The following KLRG1 variants were observed in gnomAD, a reference collection of about 807,000 sequenced individuals.
KLRG1 encodes killer cell lectin-like receptor subfamily G member 1.
Under a neutral mutation model 21.8 loss-of-function variants are expected in KLRG1, and 16 were observed. The ratio of observed to expected loss-of-function variants is 0.73; its 90% CI spans 0.50 to 1.11. The LOEUF (loss-of-function observed/expected upper bound fraction) is 1.11. Ranked by LOEUF, KLRG1 falls within the 50% of genes most tolerant of loss-of-function variation. The pLI, the probability that KLRG1 is intolerant of heterozygous loss-of-function variation, is 0.00. For synonymous variants in KLRG1, 69 were observed against 75.9 expected (o/e 0.91, Z 0.47); for missense variants, 173 against 218.3 (o/e 0.79, Z 1.31).
chr12:9,101,415 A>G, the KLRG1 span: 1 of 1,564,390 alleles, frequency 6.4e-7, no homozygotes, highest in South Asian at 1.1e-5. Context: ...TTTTGTCTAC[A>G]GTGAAGTCAA....
At position 9,010,186 on chromosome 12, in the gene KLRG1, TAAAAAA is replaced by T; in HGVS notation, c.*659_*664del. 2.4e-6 allele frequency: 1 copy of T among 420,454 alleles called. No homozygotes were observed. The highest frequency in any genetic ancestry group is 4.2e-5 in the Admixed American group (1 of 23,882). The allele number at this position is 420,454 out of a possible 1,614,324, so 26.0% of individuals were successfully genotyped here. A position where few individuals can be genotyped will look rare whatever the true frequency, so the allele number is the denominator to read the frequency against. ...GGGAGATAGAGCAAGACTCCATCTC[TAAAAAA>T]AAAAAAAAATGCTAATGTGAGAATA... is the stretch of plus-strand genomic sequence containing the variant. On this transcript the variant is annotated 3_prime_UTR_variant, in exon 5 of 5. Coordinates refer to ENST00000356986, the MANE Select transcript of KLRG1 (RefSeq NM_005810.4).
the KLRG1 span, chr12:9,194,229 C>T: frequency 6.2e-7 from 1 of 1,613,632 alleles, no homozygotes; most frequent in South Asian, 1.1e-5. Context: ...TTTCCATCCA[C>T]CAGAAGCACC....
At chr12:9,155,305 T>C in the KLRG1 span, among the ~76,000 whole-genome samples, 3 of 152,222 alleles carry the variant, frequency 2.0e-5, no homozygotes, top group Admixed American at 2.0e-4. Context: ...TCTTTTTTTT[T>C]CTCTCCAACT....
the KLRG1 span, among the ~76,000 whole-genome samples, chr12:9,114,734 AATAC>A: frequency 0.56 from 84,652 of 151,382 alleles, 25,265 homozygotes; most frequent in African/African-American, 0.76. Flanking sequence ...CATATACATA[AATAC>A]ATATATATGT....
intron 3 of KLRG1, among the ~76,000 whole-genome samples, chr12:9,008,418 A>G (rs1045302219): frequency 6.6e-6 from 1 of 152,364 alleles, no homozygotes; most frequent in South Asian, 2.1e-4. Flanking sequence ...GCTCCTCTCT[A>G]CAGCTAACAC....
In KLRG1 at chr12:9,010,005, T is replaced by G. The variant is rs1422962116; in HGVS notation, c.*468T>G. 2.0e-6 allele frequency: 3 copies of G among 1,534,386 alleles called. No individual in the cohort carries two copies. Among genetic ancestry groups the G allele is most frequent in the Non-Finnish European group, 2.6e-6 (3 of 1,145,984 alleles). On this transcript the variant is annotated 3_prime_UTR_variant, in exon 5 of 5. Coordinates refer to ENST00000356986, the MANE Select transcript of KLRG1 (RefSeq NM_005810.4). ...TATATTTCTATCCTAACAGTGTCCC[T>G]TTGCAGATCAAGCTTTATTCTGAAG...
intron 3 of KLRG1, chr12:8,996,546 G>A (rs1253317091): frequency 1.3e-5 from 2 of 152,046 alleles, no homozygotes; most frequent in African/African-American, 4.8e-5. Flanking sequence ...AGAACATATA[G>A]TTCCTAAATT....
chr12:8,965,368 A>G (rs752328904), intron 1 of KLRG1, among the ~76,000 whole-genome samples: 1 of 152,236 alleles, frequency 6.6e-6, no homozygotes, highest in African/African-American at 2.4e-5. Flanking sequence ...AATAAAGGGT[A>G]TTCAATTAGG....
the KLRG1 span, among the ~76,000 whole-genome samples, chr12:9,170,871 G>A: frequency 1.3e-5 from 2 of 152,282 alleles, no homozygotes; most frequent in Admixed American, 6.5e-5. The surrounding 1 kb of genome is among the most constrained non-coding windows in gnomAD (Gnocchi z 4.6). Flanking sequence ...CTCCTGGGGG[G>A]CAGGGGTGTC....
the KLRG1 span, chr12:9,160,079 C>A: frequency 6.6e-7 from 1 of 1,526,164 alleles, no homozygotes; most frequent in South Asian, 1.1e-5. Context: ...GGCAGGCCAT[C>A]CATATGTTTA....
chr12:8,970,136 G>A (rs992636318), intron 1 of KLRG1, among the ~76,000 whole-genome samples: 3 of 152,106 alleles, frequency 2.0e-5, no homozygotes, highest in Non-Finnish European at 4.4e-5. Context: ...ACAAAACAAA[G>A]CAAAACAACC....
the KLRG1 span, chr12:9,150,665 C>CT: frequency 2.5e-6 from 4 of 1,608,920 alleles, no homozygotes; most frequent in South Asian, 3.3e-5. Context: ...TAATCATAGA[C>CT]TTTAACAATT....
chr12:8,980,170 G>C (rs1946731085), intron 1 of KLRG1, among the ~76,000 whole-genome samples: 1 of 151,402 alleles, frequency 6.6e-6, no homozygotes, highest in Non-Finnish European at 1.5e-5. Flanking sequence ...CAAAGTGCTG[G>C]GATTACTGGG....
the KLRG1 span, among the ~76,000 whole-genome samples, chr12:9,163,218 C>T: frequency 5.3e-5 from 8 of 149,588 alleles, no homozygotes; most frequent in Non-Finnish European, 7.4e-5. Flanking sequence ...TTTGGGAGGC[C>T]GAGAAGGGAG....
At chr12:8,984,409 G>A (rs1366273430) in intron 1 of KLRG1, among the ~76,000 whole-genome samples, 1 of 151,932 alleles carries the variant, frequency 6.6e-6, no homozygotes, top group Non-Finnish European at 1.5e-5. Context: ...TCACCATGTT[G>A]GCCAGGCTAA....
the KLRG1 span, chr12:9,067,867 A>T: frequency 9.9e-6 from 16 of 1,608,410 alleles, no homozygotes; most frequent in Non-Finnish European, 1.4e-5. Flanking sequence ...AAAAAAATTA[A>T]GACAGATTTG....
chr12:9,024,631 C>T, the KLRG1 span, among the ~76,000 whole-genome samples: 1 of 152,072 alleles, frequency 6.6e-6, no homozygotes, highest in Non-Finnish European at 1.5e-5. Flanking sequence ...AATGGCCCCA[C>T]CAATGTAAAC....
At chr12:9,028,803 TTTGAGAATCTTCTC>T in the KLRG1 span, 2 of 620,392 alleles carry the variant, frequency 3.2e-6, no homozygotes, top group Non-Finnish European at 6.1e-6. Context: ...GCACCTGGTC[TTTGAGAATCTTCTC>T]TTGAGAAAGC....
At chr12:9,157,715 A>T in the KLRG1 span, 1 of 1,529,678 alleles carries the variant, frequency 6.5e-7, no homozygotes, top group Non-Finnish European at 9.1e-7. Flanking sequence ...GGCATTCCAG[A>T]CAGCAAATCT....
Sources: allele counts gnomAD v4.1 joint callset (sites outside exome capture counted in the v4.1 genomes callset), GRCh38; gene constraint gnomAD v4.1.1; non-coding constraint Gnocchi (gnomAD v3.1); transcripts MANE v1.5; gene names NCBI Gene and HGNC (gene_info 2026-07-23, HGNC 2026-07-21).